Variants in UTRN observed in about 807,000 individuals in gnomAD.
The protein encoded by UTRN is dystrophin-related protein 1.
UTRN carries 283 observed loss-of-function variants against 463.9 expected under a neutral mutation model. That is an observed-to-expected ratio of 0.61 (90% CI 0.55 to 0.67). The LOEUF is 0.67. Among genes scored for constraint, UTRN ranks in the 30% least tolerant of loss-of-function variants. The pLI is 0.00. For missense variants in UTRN, 3,922 were observed against 4,084.3 expected (o/e 0.96, Z 1.08); for synonymous variants, 1,442 against 1,431.5 (o/e 1.01, Z -0.17).
intron 51 of UTRN, among the ~76,000 whole-genome samples, chr6:144,674,583 G>A (rs1313687067): frequency 2.0e-5 from 3 of 151,640 alleles, no homozygotes; most frequent in Non-Finnish European, 4.4e-5. Context: ...TTGAGATGAG[G>A]TCTCCCTCTG....
intron 65 of UTRN, among the ~76,000 whole-genome samples, chr6:144,817,849 C>T (rs1354010835): frequency 1.3e-5 from 2 of 152,072 alleles, no homozygotes; most frequent in African/African-American, 4.8e-5. Context: ...TAAAAATAAG[C>T]TATTTCTGTG....
intron 2 of UTRN, among the ~76,000 whole-genome samples, chr6:144,321,395 G>A (rs1206494735): frequency 6.7e-6 from 1 of 149,728 alleles, no homozygotes; most frequent in African/African-American, 2.4e-5. Context: ...GAGTGGGTAA[G>A]TAGCTTGCCC....
rs1398615893 is a variant in UTRN, at chr6:144,366,051, T to G, written c.80-37072T>G. On this transcript the variant is annotated intron_variant, in intron 2 of 74. Transcript: ENST00000367545. ...CCGCACCTGGCCTGGGAATTTATTTTCATTAACTTAAAATATTATGGCAGC... is the reference window on the plus strand; with the variant it reads ...CCGCACCTGGCCTGGGAATTTATTTGCATTAACTTAAAATATTATGGCAGC... Among the ~76,000 whole-genome samples, 7 of 152,208 alleles carry G rather than the reference T, an allele frequency of 4.6e-5. No individual in the cohort carries two copies. The East Asian group carries it at 1.3e-3, about 29-fold the overall frequency.
In UTRN at chr6:144,522,069, CA is replaced by C; in HGVS notation, c.5635del (p.Ile1879PhefsTer32). The C allele has an allele frequency of 6.3e-7, 1 of 1,594,470 alleles. No homozygotes were observed. The highest frequency in any genetic ancestry group is 1.8e-5 in the Admixed American group (1 of 56,842). ...CTACAGATTATCTGGTTGAAATTAACAAAATTTTACTTTGCATGGATGATGT... is the reference window on the plus strand; with the variant it reads ...CTACAGATTATCTGGTTGAAATTAACAAATTTTACTTTGCATGGATGATGT... ...LPTDYLVEINKILLCMDDVEL... is the reference protein window; with the variant it reads ...LPTDYLVEINXILLCMDDVEL... On this transcript the variant is annotated frameshift_variant, in exon 40 of 75. Coordinates refer to ENST00000367545, the MANE Select transcript of UTRN (RefSeq NM_007124.3). LOFTEE classifies it high-confidence loss of function.
intron 51 of UTRN, among the ~76,000 whole-genome samples, chr6:144,630,873 A>G (rs1776434471): frequency 6.6e-6 from 1 of 152,086 alleles, no homozygotes; most frequent in African/African-American, 2.4e-5. Context: ...CTCTTTCACA[A>G]TAACCACCCC....
In UTRN at chr6:144,748,426, T is replaced by A; in HGVS notation, c.8120T>A (p.Met2707Lys). 2 of 1,613,958 alleles carry A rather than the reference T, an allele frequency of 1.2e-6. No homozygotes were observed. Among genetic ancestry groups the A allele is most frequent in the Non-Finnish European group, 1.7e-6 (2 of 1,179,940 alleles). ...GCTATGGATGACCTGGACGCTGACA[T>A]GAAGGAGGCAGAGTCCGTGCGGAAT... Reference protein sequence around the residue: ...QGAMDDLDADMKEAESVRNGW... With the variant: ...QGAMDDLDADKKEAESVRNGW... Residue 2707 changes from methionine (M) to lysine (K), a missense_variant, in exon 55 of 75, where the codon ATG becomes AAG. By Grantham distance (95) the Met-to-Lys change is moderately conservative (BLOSUM62 -1). Coordinates refer to ENST00000367545, the MANE Select transcript of UTRN (RefSeq NM_007124.3).
intron 58 of UTRN, among the ~76,000 whole-genome samples, chr6:144,760,010 T>TA (rs916343433): frequency 5.9e-5 from 9 of 152,018 alleles, no homozygotes; most frequent in Non-Finnish European, 1.3e-4. Flanking sequence ...TTTTACTAAA[T>TA]AAAAAAAATT....
chr6:144,765,769 C>T (rs986514481), intron 58 of UTRN, among the ~76,000 whole-genome samples: 36 of 151,730 alleles, frequency 2.4e-4, no homozygotes, highest in Middle Eastern at 3.4e-3. Flanking sequence ...TGTTGTCTTC[C>T]TGCCTCCTGT....
chr6:144,528,704 C>G (rs892383497), intron 41 of UTRN, among the ~76,000 whole-genome samples: 8 of 152,208 alleles, frequency 5.3e-5, no homozygotes, highest in Non-Finnish European at 1.2e-4. Context: ...GTGGAAGTAA[C>G]AGGGGAGTGA....
chr6:144,552,150 T>A (rs1798976942), intron 48 of UTRN, among the ~76,000 whole-genome samples: 1 of 152,228 alleles, frequency 6.6e-6, no homozygotes, highest in Admixed American at 6.5e-5. Context: ...ACTGGAAGGA[T>A]AAATCCTAAT....
chr6:144,488,928 C>T (rs1231315223), intron 30 of UTRN, 94 bp downstream of exon 30: 34 of 1,231,222 alleles, frequency 2.8e-5, no homozygotes, highest in African/African-American at 6.2e-5. Flanking sequence ...TCTCCAAAAC[C>T]GAGAGTCAAT....
intron 27 of UTRN, 50 bp downstream of exon 27, chr6:144,482,438 A>T (rs963188928): frequency 1.7e-6 from 2 of 1,146,056 alleles, no homozygotes; most frequent in Non-Finnish European, 2.2e-6. Context: ...TATTATTATT[A>T]TTATTTTCAG....
intron 51 of UTRN, among the ~76,000 whole-genome samples, chr6:144,635,535 CTTTTTTT>C (rs1219903798): frequency 1.2e-4 from 4 of 33,186 alleles, no homozygotes; most frequent in African/African-American, 5.1e-4. Context: ...TTTTTCTTTT[CTTTTTTT>C]TTTTTTTTTT....
At chr6:144,677,301 G>A (rs1781725381) in intron 51 of UTRN, among the ~76,000 whole-genome samples, 1 of 151,988 alleles carries the variant, frequency 6.6e-6, no homozygotes, top group South Asian at 2.1e-4. Context: ...GGTGTGTGAT[G>A]TCCCCTTCCC....
intron 65 of UTRN, among the ~76,000 whole-genome samples, chr6:144,816,069 C>G (rs988684567): frequency 2.0e-5 from 3 of 152,146 alleles, no homozygotes; most frequent in Admixed American, 6.5e-5. Context: ...GCTGCATTAT[C>G]TGGATCAAGT....
chr6:144,297,257 G>A (rs1031909731), intron 2 of UTRN, among the ~76,000 whole-genome samples: 2 of 151,902 alleles, frequency 1.3e-5, no homozygotes, highest in African/African-American at 2.4e-5. Context: ...AGCAAAGAGA[G>A]ACCAGTGAAA....
At chr6:144,640,470 A>G (rs1300988659) in intron 51 of UTRN, among the ~76,000 whole-genome samples, 1 of 152,178 alleles carries the variant, frequency 6.6e-6, no homozygotes, top group Non-Finnish European at 1.5e-5. Flanking sequence ...GATATCGTAC[A>G]TTCAATTTAT....
intron 71 of UTRN, 40 bp downstream of exon 71, chr6:144,836,581 A>G (rs1781125230): frequency 6.2e-7 from 1 of 1,608,256 alleles, no homozygotes; most frequent in Admixed American, 1.7e-5. Context: ...TCCCCAGGCC[A>G]TCTGTCCACT....
At position 144,474,615 on chromosome 6, in the gene UTRN, T is replaced by C. The variant is rs772312769; in HGVS notation, c.3192T>C (p.Asn1064=). 1.9e-6 allele frequency: 3 copies of C among 1,612,532 alleles called. No individual in the cohort carries two copies. Among genetic ancestry groups the C allele is most frequent in the East Asian group, 4.5e-5 (2 of 44,836 alleles). ...TTTTATGTGTTTAGGCATTTGTTAA[T>C]GAAATAGAAACAATTGAATCATCTC... ...RQLDQCSAFV[N]EIETIESSLK... is the part of the protein sequence containing the mutation. Residue 1064 remains asparagine, a synonymous_variant, in exon 25 of 75, where the codon AAT becomes AAC. Transcript: ENST00000367545.
Sources: allele counts gnomAD v4.1 joint callset (sites outside exome capture counted in the v4.1 genomes callset), GRCh38; gene constraint gnomAD v4.1.1; transcripts MANE v1.5; gene names NCBI Gene and HGNC (gene_info 2026-07-23, HGNC 2026-07-21).